The following ULK4 variants were observed in gnomAD, a reference collection of about 807,000 sequenced individuals.
The protein encoded by ULK4 is unc-51 like kinase 4, also known as inactive serine/threonine-protein kinase ULK4.
In ULK4, 133 loss-of-function variants were observed where a neutral mutation model predicts 160.6. That is an observed-to-expected ratio of 0.83 (90% CI 0.72 to 0.96). The LOEUF (loss-of-function observed/expected upper bound fraction) is 0.96. Among genes scored for constraint, ULK4 ranks in the 40% least tolerant of loss-of-function variants. ULK4 has a pLI of 0.00. For missense variants in ULK4, 1,580 were observed against 1,499.5 expected, an observed-to-expected ratio of 1.05 and a Z score of -0.89; for synonymous variants, 534 against 539.8, an observed-to-expected ratio of 0.99 and a Z score of 0.15.
chr3:41,516,712 G>A (rs2085760324), intron 32 of ULK4, among the ~76,000 whole-genome samples: 1 of 136,776 alleles, frequency 7.3e-6, no homozygotes, highest in Non-Finnish European at 1.6e-5. Context: ...GGGGGTGGGG[G>A]AAGGTTGAGA....
chr3:41,423,099 G>C (rs2082697385), intron 34 of ULK4, among the ~76,000 whole-genome samples: 2 of 152,254 alleles, frequency 1.3e-5, no homozygotes, highest in Admixed American at 1.3e-4. Flanking sequence ...ACTATTTTGT[G>C]TATGGTCCTA....
chr3:41,283,654 G>C (rs1191046498), intron 35 of ULK4, among the ~76,000 whole-genome samples: 1 of 152,116 alleles, frequency 6.6e-6, no homozygotes, highest in Non-Finnish European at 1.5e-5. Flanking sequence ...GCGGGTAGGG[G>C]GCTGGGGGAG....
intron 12 of ULK4, among the ~76,000 whole-genome samples, chr3:41,905,440 G>C (rs907043111): frequency 3.9e-5 from 6 of 151,972 alleles, no homozygotes; most frequent in Non-Finnish European, 7.4e-5. Context: ...GGTTTTTTTA[G>C]ATATTACACC....
chr3:41,706,849 ATGTGTG>A (rs749756575), intron 25 of ULK4, among the ~76,000 whole-genome samples: 1,686 of 102,358 alleles, frequency 0.016, 20 homozygotes, highest in Non-Finnish European at 0.022. Context: ...AAAAAAAAAT[ATGTGTG>A]TGTGTGTGTG....
intron 22 of ULK4, among the ~76,000 whole-genome samples, chr3:41,730,291 G>A (rs891502813): frequency 2.6e-5 from 4 of 152,056 alleles, no homozygotes; most frequent in African/African-American, 9.7e-5. Context: ...AGTAACATAA[G>A]TCAGAGCAGA....
intron 25 of ULK4, among the ~76,000 whole-genome samples, chr3:41,714,590 C>G (rs896233275): frequency 6.6e-6 from 1 of 152,082 alleles, no homozygotes. Context: ...AAAAAGATAA[C>G]ATAATTCATG....
intron 20 of ULK4, among the ~76,000 whole-genome samples, chr3:41,798,149 T>G (rs1040486065): frequency 5.3e-5 from 8 of 151,804 alleles, no homozygotes; most frequent in Non-Finnish European, 7.4e-5. Flanking sequence ...CTAGAAGTTA[T>G]GAGACTTTGG....
In ULK4 at chr3:41,470,044, A is replaced by AAC. The variant is rs1553675889; in HGVS notation, c.3227-6792_3227-6791insGT. Among the ~76,000 whole-genome samples, 226 of 116,736 alleles carry AAC rather than the reference A, an allele frequency of 1.9e-3. 6 individuals are homozygous for AAC. The highest frequency in any genetic ancestry group is 7.4e-3 in the African/African-American group (210 of 28,268). 76.6% of individuals were successfully genotyped at this position (116,736 alleles called of 152,430 possible). A position where few individuals can be genotyped will look rare whatever the true frequency, so the allele number is the denominator to read the frequency against. On this transcript the variant is annotated intron_variant, in intron 32 of 36. Coordinates refer to ENST00000301831, the MANE Select transcript of ULK4 (RefSeq NM_017886.4). ...AAAAAAAAAAAAAAAAAAAAAAAAA[A>AAC]AACAAAGTATTTTTAAAGGAACTAA... is the stretch of plus-strand genomic sequence containing the variant.
chr3:41,358,245 T>C (rs1273685388), intron 35 of ULK4, among the ~76,000 whole-genome samples: 1 of 152,176 alleles, frequency 6.6e-6, no homozygotes, highest in African/African-American at 2.4e-5. Context: ...TACTCATTTA[T>C]TTAAACAAAC....
In ULK4 at chr3:41,896,958, A is replaced by C. The variant is rs766474420; in HGVS notation, c.1394T>G (p.Leu465Trp). Residue 465 changes from leucine to tryptophan, a missense_variant, in exon 15 of 37, where the codon TTG becomes TGG. Transcript: ENST00000301831. ...GTCGATCTGCGAGCACACTTGTTGC[A>C]AAAAGTCATTCCAATCTTGATCTTT... Reference protein sequence around the residue: ...FLKDQDWNDFLQQVCSQIDST... With the variant: ...FLKDQDWNDFWQQVCSQIDST... 1 of 1,613,236 alleles carries C rather than the reference A, an allele frequency of 6.2e-7. No individual in the cohort carries two copies. The highest frequency in any genetic ancestry group is 8.5e-7 in the Non-Finnish European group (1 of 1,179,842).
chr3:41,571,887 G>A (rs370542475), intron 31 of ULK4, among the ~76,000 whole-genome samples: 3 of 152,200 alleles, frequency 2.0e-5, no homozygotes, highest in African/African-American at 7.2e-5. Context: ...GATGAAAGCA[G>A]GTGAAGACCT....
At chr3:41,550,410 A>AACATAC (rs1281482455) in intron 32 of ULK4, among the ~76,000 whole-genome samples, 1 of 132,984 alleles carries the variant, frequency 7.5e-6, no homozygotes, top group Non-Finnish European at 1.6e-5. Context: ...TTCACCTCTA[A>AACATAC]ACATACACAT....
intron 32 of ULK4, among the ~76,000 whole-genome samples, chr3:41,515,319 T>C (rs1477447331): frequency 6.6e-6 from 1 of 151,662 alleles, no homozygotes; most frequent in East Asian, 1.9e-4. Context: ...CAGATATAGA[T>C]AGATATGCTA....
intron 16 of ULK4, among the ~76,000 whole-genome samples, chr3:41,888,052 T>C (rs1037321336): frequency 1.3e-5 from 2 of 152,000 alleles, no homozygotes; most frequent in African/African-American, 2.4e-5. Context: ...AACATGCACC[T>C]GTAGTCCCAT....
intron 32 of ULK4, among the ~76,000 whole-genome samples, chr3:41,483,167 T>A (rs1195411841): frequency 1.3e-5 from 2 of 152,156 alleles, no homozygotes; most frequent in African/African-American, 4.8e-5. Context: ...TACCTCCCAC[T>A]ACCCTTCCCA....
At chr3:41,528,810 T>C (rs758380957) in intron 32 of ULK4, among the ~76,000 whole-genome samples, 6 of 152,126 alleles carry the variant, frequency 3.9e-5, no homozygotes, top group Non-Finnish European at 8.8e-5. Context: ...ACCCACAGCA[T>C]TGAAAAATAA....
chr3:41,735,923 T>C (rs529495390), intron 22 of ULK4, among the ~76,000 whole-genome samples: 10,032 of 142,102 alleles, frequency 0.071, 1,114 homozygotes, highest in African/African-American at 0.24. Flanking sequence ...TTCCCACCTA[T>C]GAGTGAGAAT....
intron 32 of ULK4, among the ~76,000 whole-genome samples, chr3:41,513,638 C>G (rs1164231578): frequency 1.3e-5 from 2 of 152,158 alleles, no homozygotes; most frequent in Admixed American, 6.5e-5. Context: ...TCAACAACAA[C>G]AAGGAACAAA....
At chr3:41,305,017 G>A (rs367614582) in intron 35 of ULK4, among the ~76,000 whole-genome samples, 4 of 152,174 alleles carry the variant, frequency 2.6e-5, no homozygotes, top group Non-Finnish European at 5.9e-5. Context: ...CACACACTGG[G>A]CCACCAAAAT....
Sources: allele counts gnomAD v4.1 joint callset (sites outside exome capture counted in the v4.1 genomes callset), GRCh38; gene constraint gnomAD v4.1.1; transcripts MANE v1.5; gene names NCBI Gene and HGNC (gene_info 2026-07-23, HGNC 2026-07-21).